Variants in PCDH15 observed in about 807,000 individuals in gnomAD.
PCDH15 encodes protocadherin-15.
A neutral mutation model predicts 178.5 loss-of-function variants in PCDH15; 129 were observed. The ratio of observed to expected loss-of-function variants is 0.72; its 90% confidence interval spans 0.63 to 0.84. The LOEUF is 0.84. Ranked by LOEUF, PCDH15 falls within the 40% of genes least tolerant of loss-of-function variation. The probability of loss-of-function intolerance (pLI) is 0.00; values close to 1 mark genes in which losing one functional copy is unlikely to be tolerated. For synonymous variants in PCDH15, 800 were observed against 732.0 expected (o/e 1.09, Z -1.50); for missense variants, 2,230 against 2,099.9 (o/e 1.06, Z -1.21).
intron 1 of PCDH15, among the ~76,000 whole-genome samples, chr10:55,207,267 T>C (rs1370282793): frequency 6.6e-6 from 1 of 152,140 alleles, no homozygotes; most frequent in Non-Finnish European, 1.5e-5. Flanking sequence ...TTGTATGCCA[T>C]ATGTTGAGAC....
intron 2 of PCDH15, among the ~76,000 whole-genome samples, chr10:54,579,067 C>T (rs533323764): frequency 6.6e-6 from 1 of 151,774 alleles, no homozygotes; most frequent in Non-Finnish European, 1.5e-5. Flanking sequence ...GTCTGCAGAC[C>T]CTATAAAGCA....
chr10:53,822,570 A>C, intron 32 of PCDH15: 2 of 1,614,030 alleles, frequency 1.2e-6, no homozygotes, highest in Non-Finnish European at 1.7e-6. Flanking sequence ...TAACATACAA[A>C]TAGGTGTCTC....
At chr10:54,122,162 A>T (rs1590620843) in intron 15 of PCDH15, among the ~76,000 whole-genome samples, 2 of 152,078 alleles carry the variant, frequency 1.3e-5, no homozygotes, top group African/African-American at 4.8e-5. Flanking sequence ...ATTTACGATG[A>T]TCAGGTAGGG....
At chr10:54,671,461 C>A (rs953417944) in intron 1 of PCDH15, among the ~76,000 whole-genome samples, 1 of 152,102 alleles carries the variant, frequency 6.6e-6, no homozygotes, top group Non-Finnish European at 1.5e-5. Flanking sequence ...AGTCCTGGCT[C>A]TGGCATGAGA....
chr10:55,044,594 G>C (rs1166467977), intron 2 of PCDH15, among the ~76,000 whole-genome samples: 1 of 151,960 alleles, frequency 6.6e-6, no homozygotes, highest in African/African-American at 2.4e-5. Flanking sequence ...AATGTAAAAG[G>C]TTCGGTTCCC....
chr10:54,853,812 G>T (rs962098970), intron 3 of PCDH15, among the ~76,000 whole-genome samples: 1 of 152,086 alleles, frequency 6.6e-6, no homozygotes, highest in Non-Finnish European at 1.5e-5. Flanking sequence ...TTTACAAAAC[G>T]TTCTTTTCAA....
intron 2 of PCDH15, among the ~76,000 whole-genome samples, chr10:55,374,151 T>G (rs1011046094): frequency 4.0e-5 from 6 of 151,664 alleles, no homozygotes; most frequent in African/African-American, 1.5e-4. Flanking sequence ...CTTTGATTCT[T>G]CCTTACTAAG....
chr10:55,470,723 T>C (rs1029829672), intron 2 of PCDH15, among the ~76,000 whole-genome samples: 3 of 152,166 alleles, frequency 2.0e-5, no homozygotes, highest in Non-Finnish European at 4.4e-5. Context: ...ATTTTATGGG[T>C]TTGGGCAAAT....
intron 2 of PCDH15, among the ~76,000 whole-genome samples, chr10:54,643,434 C>A (rs1010083752): frequency 6.6e-6 from 1 of 152,066 alleles, no homozygotes; most frequent in African/African-American, 2.4e-5. Flanking sequence ...ATAATAGAAT[C>A]TTATTGATAA....
In PCDH15 at chr10:53,948,472, G is replaced by T. The variant is rs2252100; in HGVS notation, c.3123-7497C>A. Among the ~76,000 whole-genome samples, 4 of 152,112 alleles carry T rather than the reference G, an allele frequency of 2.6e-5. No homozygotes were observed. The East Asian group carries it at 7.7e-4, about 29-fold the overall frequency. On this transcript the variant is annotated intron_variant, in intron 23 of 37. Transcript: ENST00000644397. ...ACTCTATTTTTGTGCATGTGATTTT[G>T]GTTTAAGTACATTACTTAATGGCAT... is the stretch of plus-strand genomic sequence containing the variant.
chr10:53,957,381 G>A (rs2087722078), intron 23 of PCDH15, among the ~76,000 whole-genome samples: 1 of 152,098 alleles, frequency 6.6e-6, no homozygotes, highest in South Asian at 2.1e-4. Flanking sequence ...AACATGTTCA[G>A]AGAAGTTCTT....
intron 2 of PCDH15, among the ~76,000 whole-genome samples, chr10:55,588,036 G>A (rs1406447220): frequency 6.6e-6 from 1 of 152,252 alleles, no homozygotes; most frequent in African/African-American, 2.4e-5. Context: ...GTGGGAAGGT[G>A]GATTAATCTG....
At chr10:55,456,110 C>T (rs562430189) in intron 2 of PCDH15, among the ~76,000 whole-genome samples, 1 of 152,178 alleles carries the variant, frequency 6.6e-6, no homozygotes, top group South Asian at 2.1e-4. Context: ...ATGGCTTCAA[C>T]TCTGCTTAAT....
At chr10:55,030,812 T>C (rs1228802485) in intron 2 of PCDH15, among the ~76,000 whole-genome samples, 3 of 152,154 alleles carry the variant, frequency 2.0e-5, no homozygotes, top group African/African-American at 7.2e-5. Context: ...AGAATAATGA[T>C]GTTTGCAGAA....
intron 1 of PCDH15, among the ~76,000 whole-genome samples, chr10:54,752,358 TCCCAG>T (rs1357315574): frequency 2.0e-5 from 3 of 151,308 alleles, no homozygotes; most frequent in Non-Finnish European, 4.4e-5. Flanking sequence ...GCGCCTGTAG[TCCCAG>T]CTACTCTGGA....
intron 3 of PCDH15, among the ~76,000 whole-genome samples, chr10:54,524,788 C>T (rs780705709): frequency 2.6e-5 from 4 of 152,176 alleles, no homozygotes; most frequent in Non-Finnish European, 5.9e-5. Flanking sequence ...TAACATATCT[C>T]TTTGTGTGTC....
chr10:55,363,242 T>C (rs1377546774), intron 2 of PCDH15, among the ~76,000 whole-genome samples: 1 of 152,202 alleles, frequency 6.6e-6, no homozygotes, highest in Non-Finnish European at 1.5e-5. Flanking sequence ...AATAGCTCTT[T>C]CCATGTCACT....
At chr10:54,004,914 A>G (rs989892549) in intron 20 of PCDH15, among the ~76,000 whole-genome samples, 1 of 151,146 alleles carries the variant, frequency 6.6e-6, no homozygotes, top group African/African-American at 2.4e-5. Context: ...AAATAATATT[A>G]CAGAGCTATA....
chr10:55,386,199 T>A (rs1233956903), intron 2 of PCDH15, among the ~76,000 whole-genome samples: 1 of 151,964 alleles, frequency 6.6e-6, no homozygotes, highest in Non-Finnish European at 1.5e-5. Context: ...ATTACACAGG[T>A]CACTAACCAA....
Sources: allele counts gnomAD v4.1 joint callset (sites outside exome capture counted in the v4.1 genomes callset), GRCh38; gene constraint gnomAD v4.1.1; transcripts MANE v1.5; gene names NCBI Gene and HGNC (gene_info 2026-07-23, HGNC 2026-07-21).